The following KCNV2 variants were observed in gnomAD, a reference collection of about 807,000 sequenced individuals.
KCNV2 encodes the protein potassium voltage-gated channel modifier subfamily V member 2, also known as potassium voltage-gated channel subfamily V member 2.
In KCNV2, 65 loss-of-function variants were observed where a neutral mutation model predicts 37.0. The observed-to-expected ratio is 1.76, with a 90% CI of 1.44 to 2.16. KCNV2 has a LOEUF of 2.16. Ranked by LOEUF, KCNV2 falls within the 30% of genes most tolerant of loss-of-function variation. The pLI, the probability that KCNV2 is intolerant of heterozygous loss-of-function variation, is 0.00. For missense variants in KCNV2, 1,232 were observed against 766.7 expected (o/e 1.61, Z -7.17); for synonymous variants, 518 against 328.6 (o/e 1.58, Z -6.23).
chr9:2,718,967 C>T lies in KCNV2; in HGVS notation c.1228C>T (p.Gln410Ter). The change falls in exon 1 of 2, where the codon CAG becomes TAG. Residue 410 changes from glutamine to a stop codon, truncating the protein, a stop_gained. Coordinates refer to ENST00000382082, the MANE Select transcript of KCNV2 (RefSeq NM_133497.4). LOFTEE classifies it high-confidence loss of function. The part of the protein sequence containing the change: ...FGFTLRQCYQ[Q>*]VGCLLLFIAM... ...CTTCACGCTGCGCCAGTGCTACCAG[C>T]AGGTGGGCTGCCTGCTGCTCTTCAT... is the stretch of plus-strand genomic sequence containing the variant. 2 of 1,611,154 alleles carry T rather than the reference C, an allele frequency of 1.2e-6. No individual in the cohort carries two copies. Among genetic ancestry groups the T allele is most frequent in the Non-Finnish European group, 1.7e-6 (2 of 1,180,014 alleles).
rs554835571 is a variant in KCNV2, at chr9:2,722,475, G to C, written c.1356+3380G>C. Among the ~76,000 whole-genome samples the C allele has an allele frequency of 7.7e-4, 99 of 129,054 alleles. 2 individuals are homozygous for C. In the East Asian group the frequency reaches 0.011, roughly 14 times the overall value. 84.7% of individuals were successfully genotyped at this position (129,054 alleles called of 152,430 possible). On this transcript the variant is annotated intron_variant, in intron 1 of 1. Transcript: ENST00000382082. ...ATAAATAGAAGTTATTTATAAATAA[G>C]TTATTTATAAATAGAAGTTATTTAT...
At chr9:2,721,807 T>A (rs899240997) in intron 1 of KCNV2, among the ~76,000 whole-genome samples, 1 of 152,090 alleles carries the variant, frequency 6.6e-6, no homozygotes, top group Non-Finnish European at 1.5e-5. Flanking sequence ...TTTAGTGGGA[T>A]AGTCAGAGAA....
rs1379886188 is a variant in KCNV2 at position 2,717,996 on chromosome 9, C to G, written c.257C>G (p.Pro86Arg). The G allele has an allele frequency of 9.3e-6, 15 of 1,613,982 alleles. No homozygotes were observed. Among genetic ancestry groups the G allele is most frequent in the Non-Finnish European group, 1.3e-5 (15 of 1,180,004 alleles). Reference sequence around the variant, plus strand: ...GCAGGGGAGGTCACCACCGCCAAGCCCGAGGGCCCCAGCGACCCTCCGGCC... The same window carrying G: ...GCAGGGGAGGTCACCACCGCCAAGCGCGAGGGCCCCAGCGACCCTCCGGCC... ...QQAGEVTTAK[P>R]EGPSDPPALL... Residue 86 changes from proline to arginine, a missense_variant, in exon 1 of 2, where the codon CCC becomes CGC. Coordinates refer to ENST00000382082, the MANE Select transcript of KCNV2 (RefSeq NM_133497.4).
Position 2,718,822 on chromosome 9 carries a change from A to C in KCNV2, c.1083A>C (p.Gln361His). Residue 361 changes from glutamine (Q) to histidine (H), a missense_variant, in exon 1 of 2, where the codon CAA becomes CAC. By Grantham distance (24) the Gln-to-His change is conservative. Transcript: ENST00000382082. ...LLECFTGEGH[Q>H]RGQTVGSVGK... ...AGTGCTTCACGGGCGAGGGCCACCA[A>C]CGCGGCCAGACGGTGGGCAGCGTGG... The C allele has an allele frequency of 6.2e-7, 1 of 1,609,916 alleles. No homozygotes were observed. Among genetic ancestry groups the C allele is most frequent in the South Asian group, 1.1e-5 (1 of 91,082 alleles).
At position 2,718,289 on chromosome 9, in the gene KCNV2, G is replaced by T; in HGVS notation, c.550G>T (p.Glu184Ter). 1 of 1,611,292 alleles carries T rather than the reference G, an allele frequency of 6.2e-7. No homozygotes were observed. The highest frequency in any genetic ancestry group is 8.5e-7 in the Non-Finnish European group (1 of 1,179,726). The change falls in exon 1 of 2, where the codon GAG (glutamate) becomes TAG (stop). Residue 184 changes from glutamate to a stop codon, truncating the protein, a stop_gained. Coordinates refer to ENST00000382082, the MANE Select transcript of KCNV2 (RefSeq NM_133497.4). LOFTEE classifies it high-confidence loss of function. Reference sequence around the variant, plus strand: ...GCTGTGTCCGCGCCGCTTCCTGGAGGAGCTGGGCTACTGGGGCGTGCGGCT... The same window carrying T: ...GCTGTGTCCGCGCCGCTTCCTGGAGTAGCTGGGCTACTGGGGCGTGCGGCT... ...DGLCPRRFLE[E>*]LGYWGVRLKY... is the part of the protein sequence containing the mutation.
Position 2,729,446 on chromosome 9 carries a change from G to C in KCNV2, c.1357G>C (p.Val453Leu). 6.2e-7 allele frequency: 1 copy of C among 1,613,286 alleles called. No individual in the cohort carries two copies. The highest frequency in any genetic ancestry group is 8.5e-7 in the Non-Finnish European group (1 of 1,179,940). The change falls in exon 2 of 2, where the codon GTG becomes CTG. Residue 453 changes from valine to leucine, a missense_variant and splice_region_variant. By Grantham distance (32) the Val-to-Leu change is conservative. Coordinates refer to ENST00000382082, the MANE Select transcript of KCNV2 (RefSeq NM_133497.4). ...TIPHSWWWAA[V>L]SISTVGYGDM... Reference sequence around the variant, plus strand: ...CCATCCTGCTTTCCTTCCTCTACAGGTGAGCATCTCCACCGTGGGCTACGG... The same window carrying C: ...CCATCCTGCTTTCCTTCCTCTACAGCTGAGCATCTCCACCGTGGGCTACGG...
intron 1 of KCNV2, among the ~76,000 whole-genome samples, chr9:2,725,617 G>A (rs1819957033): frequency 6.6e-6 from 1 of 152,168 alleles, no homozygotes; most frequent in South Asian, 2.1e-4. Flanking sequence ...TGGATCCTTT[G>A]AAGGACAACA....
rs754162112 is a variant in KCNV2, at chr9:2,718,329, G to C, written c.590G>C (p.Arg197Pro). Residue 197 changes from arginine to proline, a missense_variant, in exon 1 of 2, where the codon CGC becomes CCC. Physicochemically the swap from Arg to Pro is moderately radical, Grantham distance 103. Coordinates refer to ENST00000382082, the MANE Select transcript of KCNV2 (RefSeq NM_133497.4). ...GGCGTGCGGCTCAAGTACACGCCAC[G>C]CTGCTGCCGCATCTGCTTCGAGGAG... ...YWGVRLKYTP[R>P]CCRICFEERR... 4 of 1,603,456 alleles carry C rather than the reference G, an allele frequency of 2.5e-6. No homozygotes were observed. The East Asian group carries it at 6.7e-5, about 27-fold the overall frequency.
chr9:2,727,917 C>G (rs1389131299), intron 1 of KCNV2, among the ~76,000 whole-genome samples: 1 of 152,152 alleles, frequency 6.6e-6, no homozygotes, highest in Non-Finnish European at 1.5e-5. Context: ...TTCAGCTTAT[C>G]TACACCACAT....
intron 1 of KCNV2, among the ~76,000 whole-genome samples, chr9:2,719,374 G>C (rs1203192927): frequency 6.6e-6 from 1 of 152,060 alleles, no homozygotes; most frequent in Non-Finnish European, 1.5e-5. Flanking sequence ...AAGAAGATGC[G>C]TCATCATTAC....
intron 1 of KCNV2, chr9:2,720,366 T>C (rs544934501): frequency 1.8e-4 from 28 of 151,596 alleles, no homozygotes; most frequent in African/African-American, 6.0e-4. Flanking sequence ...AGGCTGGACA[T>C]GTAAAAGTCT....
Position 2,718,222 on chromosome 9 carries a change from C to T in KCNV2, c.483C>T (p.Val161=). The T allele has an allele frequency of 1.9e-6, 3 of 1,613,544 alleles. No individual in the cohort carries two copies. Among genetic ancestry groups the T allele is most frequent in the Non-Finnish European group, 2.5e-6 (3 of 1,179,954 alleles). ...GCGACCCGGCCGTCTTCCAGCTGGT[C>T]TACAATTTCTACCTGTCCGGGGTGC... is the stretch of plus-strand genomic sequence containing the variant. The part of the protein sequence containing the change: ...FDRDPAVFQL[V]YNFYLSGVLL... The change falls in exon 1 of 2, where the codon GTC becomes GTT. Residue 161 remains valine (V), a synonymous_variant. Transcript: ENST00000382082.
In KCNV2 at chr9:2,729,721, G is replaced by A; in HGVS notation, c.1632G>A (p.Glu544=). 1 of 1,614,026 alleles carries A rather than the reference G, an allele frequency of 6.2e-7. No homozygotes were observed. Among genetic ancestry groups the A allele is most frequent in the Non-Finnish European group, 8.5e-7 (1 of 1,179,948 alleles). The stretch of plus-strand genomic sequence containing the variant: ...ACCCACAGCTCACCCCAAGACAAGA[G>A]AATTAGTATTTTATAGGACATGTGG... ...GSNPQLTPRQ[E]N is the part of the protein sequence containing the mutation. Residue 544 remains glutamate, a synonymous_variant, in exon 2 of 2, where the codon GAG becomes GAA. Coordinates refer to ENST00000382082, the MANE Select transcript of KCNV2 (RefSeq NM_133497.4).
chr9:2,718,731 C>A lies in KCNV2; in HGVS notation c.992C>A (p.Ala331Glu), dbSNP rs777069016. Reference protein sequence around the residue: ...LASTPDLRRFARSALNLVDLV... With the variant: ...LASTPDLRRFERSALNLVDLV... ...TCCACGCCCGACCTGAGGCGCTTCG[C>A]GCGCAGCGCCCTCAACCTGGTGGAC... Residue 331 changes from alanine to glutamate, a missense_variant, in exon 1 of 2, where the codon GCG becomes GAG. Physicochemically the swap from Ala to Glu is moderately radical, Grantham distance 107 (BLOSUM62 -1). Coordinates refer to ENST00000382082, the MANE Select transcript of KCNV2 (RefSeq NM_133497.4). The A allele has an allele frequency of 1.2e-6, 2 of 1,612,332 alleles. No individual in the cohort carries two copies. Among genetic ancestry groups the A allele is most frequent in the South Asian group, 1.1e-5 (1 of 91,080 alleles).
rs971928763 is a variant in KCNV2 at position 2,719,209 on chromosome 9, C to CCA, written c.1356+114_1356+115insCA. ...GGCTTCTGATCCTCGTCTTCCCCCC[C>CCA]ACCCCCAATCGCCGCATACAGCTAA... On this transcript the variant is annotated intron_variant, in intron 1 of 1. Coordinates refer to ENST00000382082, the MANE Select transcript of KCNV2 (RefSeq NM_133497.4). 4 of 1,180,688 alleles carry CCA rather than the reference C, an allele frequency of 3.4e-6. No individual in the cohort carries two copies. In the African/African-American group the frequency reaches 6.0e-5, roughly 18 times the overall value. The allele number at this position is 1,180,688 out of a possible 1,614,324, so 73.1% of individuals were successfully genotyped here. A position where few individuals can be genotyped will look rare whatever the true frequency, so the allele number is the denominator to read the frequency against.
chr9:2,729,675 C>G lies in KCNV2; in HGVS notation c.1586C>G (p.Ala529Gly). The change falls in exon 2 of 2, where the codon GCT (alanine) becomes GGT (glycine). Residue 529 changes from alanine to glycine, a missense_variant. By Grantham distance (60) the Ala-to-Gly change is moderately conservative. Transcript: ENST00000382082. ...ATGCAGAGAGCCAGAAAGAAGATAG[C>G]TGAGTGTTTGCTTGGAAGCAACCCA... ...NFMQRARKKIAECLLGSNPQL... is the reference protein window; with the variant it reads ...NFMQRARKKIGECLLGSNPQL... 6.2e-7 allele frequency: 1 copy of G among 1,614,100 alleles called. No homozygotes were observed. The highest frequency in any genetic ancestry group is 8.5e-7 in the Non-Finnish European group (1 of 1,179,994).
At position 2,719,079 on chromosome 9, in the gene KCNV2, C is replaced by A; in HGVS notation, c.1340C>A (p.Ser447Tyr). ...ACCAACTTCACTACCATCCCCCACT[C>A]CTGGTGGTGGGCCGCGGTGAGTACC... The part of the protein sequence containing the change: ...PSTNFTTIPH[S>Y]WWWAAVSIST... The change falls in exon 1 of 2, where the codon TCC becomes TAC. Residue 447 changes from serine (S) to tyrosine (Y), a missense_variant. Transcript: ENST00000382082. The A allele has an allele frequency of 6.2e-7, 1 of 1,611,144 alleles. No homozygotes were observed. Among genetic ancestry groups the A allele is most frequent in the Non-Finnish European group, 8.5e-7 (1 of 1,180,016 alleles).
At chr9:2,729,388 T>G in intron 1 of KCNV2, 58 bp from the exon 2 acceptor site, 1 of 1,599,702 alleles carries the variant, frequency 6.3e-7, no homozygotes, top group Non-Finnish European at 8.6e-7. Context: ...TCCTCTCCCT[T>G]TCTTCTCCTC....
intron 1 of KCNV2, among the ~76,000 whole-genome samples, chr9:2,721,069 T>C (rs942314069): frequency 6.6e-6 from 1 of 152,152 alleles, no homozygotes; most frequent in African/African-American, 2.4e-5. Context: ...GAATCACCAG[T>C]TTTTGCCAAT....
Sources: gnomAD v4.1 joint callset for allele counts (sites outside exome capture counted in the v4.1 genomes callset) on GRCh38, gnomAD v4.1.1 for gene constraint, MANE v1.5 for transcripts, NCBI Gene and HGNC (gene_info 2026-07-23, HGNC 2026-07-21) for gene names.